INSYN2B: variants seen among roughly 807,000 people sequenced by gnomAD.
INSYN2B encodes the protein protein INSYN2B.
INSYN2B carries 16 observed loss-of-function variants against 41.2 expected under a neutral mutation model. The ratio of observed to expected loss-of-function variants is 0.39; its 90% CI spans 0.26 to 0.59. INSYN2B has a LOEUF of 0.59. Among genes scored for constraint, INSYN2B ranks in the 20% least tolerant of loss-of-function variants. The probability of loss-of-function intolerance (pLI) is 0.57; values close to 1 mark genes in which losing one functional copy is unlikely to be tolerated. For missense variants in INSYN2B, 608 were observed against 646.4 expected (o/e 0.94, Z 0.64); for synonymous variants, 245 against 244.4 (o/e 1.00, Z -0.02).
At chr5:169,912,171 C>T (rs556139518) in intron 1 of INSYN2B, among the ~76,000 whole-genome samples, 2 of 152,104 alleles carry the variant, frequency 1.3e-5, no homozygotes. Flanking sequence ...TCTTCTCCTT[C>T]TTTCTTCTTT....
At chr5:169,885,902 C>T (rs1214901289) in intron 1 of INSYN2B, among the ~76,000 whole-genome samples, 1 of 152,168 alleles carries the variant, frequency 6.6e-6, no homozygotes, top group Non-Finnish European at 1.5e-5. Flanking sequence ...CATTATCCCC[C>T]TTAGACTTAC....
At position 169,864,081 on chromosome 5, in the gene INSYN2B, C is replaced by T. The variant is rs377082495; in HGVS notation, c.*192G>A. On this transcript the variant is annotated 3_prime_UTR_variant, in exon 4 of 4. Transcript: ENST00000377365. ...GTGAAGCCCTCAGCAAGCAGTCGCA[C>T]GCACTCAGGTAAGGATCGTGGTCAG... 7.9e-5 allele frequency among the ~76,000 whole-genome samples: 12 copies of T among 152,286 alleles called. No individual in the cohort carries two copies. Among genetic ancestry groups the T allele is most frequent in the East Asian group, 1.9e-4 (1 of 5,164 alleles).
intron 1 of INSYN2B, among the ~76,000 whole-genome samples, chr5:169,900,537 G>C (rs770471856): frequency 6.6e-6 from 1 of 152,192 alleles, no homozygotes; most frequent in Non-Finnish European, 1.5e-5. Flanking sequence ...ACATCTTAAA[G>C]CTTAGGCAAG....
chr5:169,916,326 G>C (rs962602888), intron 1 of INSYN2B, among the ~76,000 whole-genome samples: 2 of 152,220 alleles, frequency 1.3e-5, no homozygotes, highest in African/African-American at 4.8e-5. Context: ...ATGGATCTAA[G>C]GAACCAGCCA....
intron 2 of INSYN2B, 85 bp from the exon 3 acceptor site, chr5:169,881,527 C>CT (rs1300299824): frequency 9.8e-7 from 1 of 1,022,594 alleles, no homozygotes; most frequent in African/African-American, 1.6e-5. Flanking sequence ...CCCTTAGTCC[C>CT]TATAGCACAG....
chr5:169,904,173 G>C (rs1774139425), intron 1 of INSYN2B, among the ~76,000 whole-genome samples: 8 of 151,482 alleles, frequency 5.3e-5, no homozygotes, highest in Admixed American at 4.6e-4. Context: ...GTACTTTCTT[G>C]GGTAAAAGCA....
intron 1 of INSYN2B, among the ~76,000 whole-genome samples, chr5:169,895,543 G>C (rs1773548550): frequency 6.6e-6 from 1 of 151,784 alleles, no homozygotes; most frequent in African/African-American, 2.4e-5. Context: ...TCTTCTTTTG[G>C]GGGTAGGATC....
At chr5:169,948,387 T>C (rs942196673) in intron 1 of INSYN2B, among the ~76,000 whole-genome samples, 3 of 152,134 alleles carry the variant, frequency 2.0e-5, no homozygotes, top group Non-Finnish European at 4.4e-5. Flanking sequence ...AATGATTATT[T>C]GCACCTTTCT....
chr5:169,889,011 C>T (rs1471504523), intron 1 of INSYN2B, among the ~76,000 whole-genome samples: 1 of 152,198 alleles, frequency 6.6e-6, no homozygotes, highest in African/African-American at 2.4e-5. Flanking sequence ...CTGCTGACTT[C>T]TAGCCTCTTC....
At chr5:169,917,627 C>T (rs943911391) in intron 1 of INSYN2B, among the ~76,000 whole-genome samples, 4 of 151,920 alleles carry the variant, frequency 2.6e-5, no homozygotes, top group African/African-American at 4.8e-5. Context: ...TTGGTGATTG[C>T]GAAACACTAG....
chr5:169,905,087 C>T (rs973199193), intron 1 of INSYN2B, among the ~76,000 whole-genome samples: 1 of 152,182 alleles, frequency 6.6e-6, no homozygotes, highest in Non-Finnish European at 1.5e-5. Flanking sequence ...GTGCAGAGTG[C>T]TCAGTAAATA....
intron 1 of INSYN2B, among the ~76,000 whole-genome samples, chr5:169,932,613 G>A (rs147847218): frequency 6.6e-6 from 1 of 152,232 alleles, no homozygotes; most frequent in Non-Finnish European, 1.5e-5. Context: ...GGGCCAGGCT[G>A]GATTTGTATG....
intron 1 of INSYN2B, among the ~76,000 whole-genome samples, chr5:169,968,533 A>G (rs1271710496): frequency 1.3e-5 from 2 of 152,196 alleles, no homozygotes; most frequent in East Asian, 3.8e-4. Flanking sequence ...AGGGGGCCCA[A>G]GTGTTCTTCG....
intron 3 of INSYN2B, among the ~76,000 whole-genome samples, chr5:169,867,415 GTCT>G (rs1771639149): frequency 1.1e-5 from 1 of 93,008 alleles, no homozygotes; most frequent in Non-Finnish European, 2.0e-5. Context: ...CTCTCTGTCT[GTCT>G]GTCTGTCTGT....
At chr5:169,941,210 GTTA>G (rs966787312) in intron 1 of INSYN2B, among the ~76,000 whole-genome samples, 2 of 152,038 alleles carry the variant, frequency 1.3e-5, no homozygotes, top group African/African-American at 4.8e-5. Context: ...TTTATTTATT[GTTA>G]TTATTATTTT....
intron 1 of INSYN2B, among the ~76,000 whole-genome samples, chr5:169,931,880 T>A (rs553198907): frequency 6.6e-6 from 1 of 152,324 alleles, no homozygotes; most frequent in African/African-American, 2.4e-5. Flanking sequence ...CCCTTCTCTA[T>A]GTTCCTCTTT....
chr5:169,916,850 G>A (rs1291667812), intron 1 of INSYN2B, among the ~76,000 whole-genome samples: 1 of 152,124 alleles, frequency 6.6e-6, no homozygotes, highest in African/African-American at 2.4e-5. Context: ...TTAGTAATAT[G>A]CCCAAGTCAC....
At chr5:169,918,148 G>T (rs760041873) in intron 1 of INSYN2B, among the ~76,000 whole-genome samples, 2 of 152,166 alleles carry the variant, frequency 1.3e-5, no homozygotes, top group Non-Finnish European at 2.9e-5. Flanking sequence ...TGCTTTGGAT[G>T]GCATTTGTTA....
intron 2 of INSYN2B, among the ~76,000 whole-genome samples, 153 bp from the exon 3 acceptor site, chr5:169,881,595 G>A (rs918466079): frequency 6.6e-6 from 1 of 152,182 alleles, no homozygotes; most frequent in Non-Finnish European, 1.5e-5. Context: ...AGAATGTCAC[G>A]ACAATAGGAG....
Sources: allele counts gnomAD v4.1 joint callset (sites outside exome capture counted in the v4.1 genomes callset), GRCh38; gene constraint gnomAD v4.1.1; transcripts MANE v1.5; gene names NCBI Gene and HGNC (gene_info 2026-07-23, HGNC 2026-07-21).